Variants in MAP4K4 observed in about 807,000 individuals in gnomAD.
The protein encoded by MAP4K4 is HPK/GCK-like kinase HGK.
In MAP4K4, 38 loss-of-function variants were observed where a neutral mutation model predicts 189.6. The ratio of observed to expected loss-of-function variants is 0.20; its 90% CI spans 0.15 to 0.26. MAP4K4 has a LOEUF of 0.26. Ranked by LOEUF, MAP4K4 falls within the 10% of genes least tolerant of loss-of-function variation. MAP4K4 has a pLI of 1.00. For missense variants in MAP4K4, 1,054 were observed against 1,726.9 expected, an observed-to-expected ratio of 0.61 and a Z score of 6.91; for synonymous variants, 610 against 624.3, an observed-to-expected ratio of 0.98 and a Z score of 0.34.
chr2:101,818,866 T>A (rs2095869732), intron 3 of MAP4K4, among the ~76,000 whole-genome samples: 1 of 152,294 alleles, frequency 6.6e-6, no homozygotes, highest in Non-Finnish European at 1.5e-5. Context: ...CTGCATTAAA[T>A]CACTAAGTGG....
intron 2 of MAP4K4, among the ~76,000 whole-genome samples, chr2:101,757,492 T>A (rs1442566118): frequency 6.6e-6 from 1 of 152,112 alleles, no homozygotes; most frequent in African/African-American, 2.4e-5. Context: ...TTTTAAAAAA[T>A]AAATCAGATA....
intron 12 of MAP4K4, among the ~76,000 whole-genome samples, chr2:101,846,780 G>T (rs138616702): frequency 4.6e-5 from 7 of 152,310 alleles, no homozygotes; most frequent in African/African-American, 1.7e-4. Context: ...TATTGGAATG[G>T]GAAAAGTCAC....
At chr2:101,761,012 T>C (rs1045096574) in intron 2 of MAP4K4, among the ~76,000 whole-genome samples, 1 of 152,040 alleles carries the variant, frequency 6.6e-6, no homozygotes, top group Non-Finnish European at 1.5e-5. Flanking sequence ...TCAAAAAAAA[T>C]TGTTTAAAGT....
chr2:101,789,579 A>G (rs1388849434), intron 2 of MAP4K4, among the ~76,000 whole-genome samples: 2 of 152,202 alleles, frequency 1.3e-5, no homozygotes, highest in African/African-American at 4.8e-5. Context: ...TTGTAACTTG[A>G]GTTCCTACAC....
intron 2 of MAP4K4, among the ~76,000 whole-genome samples, chr2:101,732,610 G>C (rs928175578): frequency 2.6e-5 from 4 of 151,996 alleles, no homozygotes; most frequent in Non-Finnish European, 5.9e-5. Context: ...TTTTGAGACA[G>C]AGTCTTGCTC....
chr2:101,827,210 A>G (rs74574556), intron 5 of MAP4K4, among the ~76,000 whole-genome samples: 1,635 of 152,258 alleles, frequency 0.011, 39 homozygotes, highest in African/African-American at 0.037. Context: ...GTGAATGAAC[A>G]TCTTTTTGAG....
chr2:101,704,906 A>G (rs1298914453), intron 2 of MAP4K4, among the ~76,000 whole-genome samples: 1 of 152,122 alleles, frequency 6.6e-6, no homozygotes, highest in Non-Finnish European at 1.5e-5. Flanking sequence ...GTTAGGTTTT[A>G]TAATGTTATA....
chr2:101,835,788 C>A, intron 8 of MAP4K4, 112 bp from the exon 9 acceptor site: 1 of 682,408 alleles, frequency 1.5e-6, no homozygotes, highest in Non-Finnish European at 2.6e-6. Context: ...TGGTATGAAG[C>A]CTGTCAGTCA....
At chr2:101,868,648 G>T (rs908116424) in intron 21 of MAP4K4, among the ~76,000 whole-genome samples, 1 of 152,248 alleles carries the variant, frequency 6.6e-6, no homozygotes, top group East Asian at 1.9e-4. Flanking sequence ...GTCACAGGGT[G>T]ATGTGGGTAA....
At chr2:101,710,821 CTGA>C in intron 2 of MAP4K4, among the ~76,000 whole-genome samples, 1 of 152,308 alleles carries the variant, frequency 6.6e-6, no homozygotes, top group East Asian at 1.9e-4. Flanking sequence ...ACCCACTGAG[CTGA>C]TGATTCATCA....
intron 5 of MAP4K4, among the ~76,000 whole-genome samples, chr2:101,826,073 C>T (rs2096343201): frequency 6.6e-6 from 1 of 152,080 alleles, no homozygotes; most frequent in South Asian, 2.1e-4. Flanking sequence ...CAGTGAGTCT[C>T]TTCATTTGGC....
At chr2:101,779,472 T>G (rs1575420260) in intron 2 of MAP4K4, among the ~76,000 whole-genome samples, 1 of 152,158 alleles carries the variant, frequency 6.6e-6, no homozygotes, top group Non-Finnish European at 1.5e-5. Flanking sequence ...ATGGGTTGAG[T>G]GTACAACTCA....
At chr2:101,831,676 A>G in intron 6 of MAP4K4, 45 bp from the exon 7 acceptor site, 5 of 1,557,616 alleles carry the variant, frequency 3.2e-6, no homozygotes, top group Non-Finnish European at 4.4e-6. Context: ...TCTGGTTTGT[A>G]GTTGTGTTTA....
At chr2:101,822,264 C>CAGTA (rs569869862) in intron 3 of MAP4K4, among the ~76,000 whole-genome samples, 171 of 152,270 alleles carry the variant, frequency 1.1e-3, no homozygotes, top group South Asian at 0.011. Flanking sequence ...GGTTAGTTTA[C>CAGTA]AGTAGCCTTA....
intron 3 of MAP4K4, among the ~76,000 whole-genome samples, chr2:101,796,815 C>G (rs1451015572): frequency 2.0e-5 from 3 of 152,158 alleles, no homozygotes; most frequent in African/African-American, 7.2e-5. Flanking sequence ...GATTGAGCAT[C>G]TTCCAGTATT....
intron 2 of MAP4K4, among the ~76,000 whole-genome samples, chr2:101,764,467 A>G (rs2077751764): frequency 6.6e-6 from 1 of 152,176 alleles, no homozygotes; most frequent in Non-Finnish European, 1.5e-5. Flanking sequence ...TACCTCTTTG[A>G]GGTTGATTTA....
chr2:101,867,599 T>A lies in MAP4K4; in HGVS notation c.2454+290T>A, dbSNP rs550455808. Reference sequence around the variant, plus strand: ...ATGCAGAACAAAGTATAGTTCTTATTTAATGAAATTTCCTTCTAAGGAAAC... The same window carrying A: ...ATGCAGAACAAAGTATAGTTCTTATATAATGAAATTTCCTTCTAAGGAAAC... On this transcript the variant is annotated intron_variant, in intron 20 of 32. Coordinates refer to ENST00000324219, the Ensembl canonical transcript of MAP4K4. 8 of 346,130 alleles carry A rather than the reference T, an allele frequency of 2.3e-5. No individual in the cohort carries two copies. The East Asian group carries it at 4.0e-4, about 17-fold the overall frequency. The allele number at this position is 346,130 out of a possible 1,614,324, so 21.4% of individuals were successfully genotyped here.
At chr2:101,813,192 T>C (rs747035147) in intron 3 of MAP4K4, among the ~76,000 whole-genome samples, 4 of 152,248 alleles carry the variant, frequency 2.6e-5, no homozygotes, top group Admixed American at 6.5e-5. Context: ...TAGAGGTTTA[T>C]GTAATGGAAA....
chr2:101,829,446 C>T, intron 5 of MAP4K4, 58 bp from the exon 6 acceptor site: 1 of 1,147,616 alleles, frequency 8.7e-7, no homozygotes, highest in Non-Finnish European at 1.3e-6. Flanking sequence ...AGGTGTGTTC[C>T]TGGCTGTTTA....
Sources: allele counts gnomAD v4.1 joint callset (sites outside exome capture counted in the v4.1 genomes callset), GRCh38; gene constraint gnomAD v4.1.1; transcripts MANE v1.5; gene names NCBI Gene and HGNC (gene_info 2026-07-23, HGNC 2026-07-21).